FMNL2: variants seen among roughly 807,000 people sequenced by gnomAD.
The protein encoded by FMNL2 is formin like 2.
FMNL2 carries 51 observed loss-of-function variants against 130.2 expected under a neutral mutation model. The ratio of observed to expected loss-of-function variants is 0.39; its 90% CI spans 0.31 to 0.49. The LOEUF is 0.49. Among genes scored for constraint, FMNL2 ranks in the 20% least tolerant of loss-of-function variants. The pLI, the probability that FMNL2 is intolerant of heterozygous loss-of-function variation, is 0.85. For synonymous variants in FMNL2, 465 were observed against 467.1 expected, an observed-to-expected ratio of 1.00 and a Z score of 0.06; for missense variants, 977 against 1,316.2, an observed-to-expected ratio of 0.74 and a Z score of 3.99.
chr2:152,593,908 A>T (rs62179595), intron 9 of FMNL2, among the ~76,000 whole-genome samples: 9,756 of 113,044 alleles, frequency 0.086, 191 homozygotes, highest in Non-Finnish European at 0.12. Context: ...TGTGTGAGAG[A>T]GAGAGAGAGA....
intron 1 of FMNL2, among the ~76,000 whole-genome samples, chr2:152,419,789 C>T (rs188893209): frequency 6.6e-6 from 1 of 152,128 alleles, no homozygotes; most frequent in East Asian, 1.9e-4. Context: ...GTTGGGCTCC[C>T]TGTGACCTGT....
In FMNL2 at chr2:152,406,929, G is replaced by A. The variant is rs1319382066; in HGVS notation, c.117+71209G>A. The stretch of plus-strand genomic sequence containing the variant: ...TGATGAACTGGAAAAGAAGAAAAAA[G>A]CTTCCTGAGTCACCCAGACTTCATC... On this transcript the variant is annotated intron_variant, in intron 1 of 25. Coordinates refer to ENST00000288670, the MANE Select transcript of FMNL2 (RefSeq NM_052905.4). 1.3e-5 allele frequency among the ~76,000 whole-genome samples: 2 copies of A among 152,148 alleles called. 1 individual carries two copies. The highest frequency in any genetic ancestry group is 6.3e-3 in the Middle Eastern group (2 of 316).
At chr2:152,628,576 G>T (rs771664256) in intron 18 of FMNL2, 43 bp downstream of exon 18, 1 of 1,532,906 alleles carries the variant, frequency 6.5e-7, no homozygotes, top group Non-Finnish European at 9.0e-7. Flanking sequence ...CCAAAGAAAT[G>T]TGGAATCGTT....
At chr2:152,390,666 G>T in intron 1 of FMNL2, 3 of 794,124 alleles carry the variant, frequency 3.8e-6, no homozygotes, top group East Asian at 2.4e-5. Context: ...AACTCTTGGG[G>T]CTGAGCTACA....
Position 152,559,872 on chromosome 2 carries a change from G to C in FMNL2, c.444-1011G>C, listed in dbSNP as rs148560404. On this transcript the variant is annotated intron_variant, in intron 5 of 25. Coordinates refer to ENST00000288670, the MANE Select transcript of FMNL2 (RefSeq NM_052905.4). ...ACCTCCTGCAGCCAAAGGCATGACA[G>C]AATTGTGACCAGTTGCCTCCATGGA... Among the ~76,000 whole-genome samples the C allele has an allele frequency of 2.8e-3, 434 of 152,316 alleles. 1 individual carries two copies. Among genetic ancestry groups the C allele is most frequent in the African/African-American group, 0.01 (425 of 41,578 alleles).
intron 18 of FMNL2, 21 bp from the exon 19 acceptor site, chr2:152,629,631 TTTTC>T (rs762304683): frequency 4.2e-5 from 66 of 1,569,382 alleles, no homozygotes; most frequent in Non-Finnish European, 5.6e-5. Context: ...TTTTTCCCCT[TTTTC>T]TTTCTTTGAT....
chr2:152,646,456 C>CAACT (rs1037897451), intron 25 of FMNL2, among the ~76,000 whole-genome samples: 3 of 152,144 alleles, frequency 2.0e-5, no homozygotes, highest in Non-Finnish European at 2.9e-5. Context: ...ATCTTAGCTC[C>CAACT]AACTTCTTTT....
intron 1 of FMNL2, among the ~76,000 whole-genome samples, chr2:152,403,458 G>C (rs1482913940): frequency 3.3e-5 from 5 of 152,046 alleles, no homozygotes; most frequent in Admixed American, 2.6e-4. Context: ...TTATCCTTTG[G>C]GTTAGAATCT....
intron 1 of FMNL2, among the ~76,000 whole-genome samples, chr2:152,401,664 T>C (rs1685699781): frequency 6.6e-6 from 1 of 152,128 alleles, no homozygotes; most frequent in Non-Finnish European, 1.5e-5. Flanking sequence ...GTTAGGTCAG[T>C]GGAGGGGAGG....
Position 152,512,008 on chromosome 2 carries a change from G to A in FMNL2, c.118-9935G>A, listed in dbSNP as rs540705314. Among the ~76,000 whole-genome samples the A allele has an allele frequency of 2.0e-5, 3 of 152,262 alleles. No individual in the cohort carries two copies. In the South Asian group the frequency reaches 6.2e-4, roughly 32 times the overall value. ...CAGCAGAATAAGAACACTTTCTCTGGATTTCGATGCATTTTGGTCTGTGCC... is the reference window on the plus strand; with the variant it reads ...CAGCAGAATAAGAACACTTTCTCTGAATTTCGATGCATTTTGGTCTGTGCC... On this transcript the variant is annotated intron_variant, in intron 1 of 25. Coordinates refer to ENST00000288670, the MANE Select transcript of FMNL2 (RefSeq NM_052905.4).
At chr2:152,452,673 TG>T (rs1688707495) in intron 1 of FMNL2, among the ~76,000 whole-genome samples, 2 of 150,552 alleles carry the variant, frequency 1.3e-5, no homozygotes, top group African/African-American at 4.8e-5. Context: ...TATGTGTGTG[TG>T]TTGGTGGGGA....
At chr2:152,607,721 G>C (rs1361024639) in intron 10 of FMNL2, 1 of 213,262 alleles carries the variant, frequency 4.7e-6, no homozygotes, top group African/African-American at 2.3e-5. Flanking sequence ...TTTAATTGTT[G>C]ATGATGCTGC....
At chr2:152,341,742 A>G (rs541720637) in intron 1 of FMNL2, among the ~76,000 whole-genome samples, 1 of 152,380 alleles carries the variant, frequency 6.6e-6, no homozygotes, top group Admixed American at 6.5e-5. Context: ...AAGAGCTTTC[A>G]GGTGGAAATG....
At chr2:152,497,346 A>G (rs1261398477) in intron 1 of FMNL2, among the ~76,000 whole-genome samples, 3 of 152,086 alleles carry the variant, frequency 2.0e-5, no homozygotes, top group Non-Finnish European at 4.4e-5. Context: ...AGAATAGAGT[A>G]CTGTTTTCTA....
intron 2 of FMNL2, among the ~76,000 whole-genome samples, chr2:152,540,330 T>C (rs916839621): frequency 6.6e-6 from 1 of 152,018 alleles, no homozygotes; most frequent in African/African-American, 2.4e-5. Flanking sequence ...GTGATGGTGA[T>C]TTAAAAAAAG....
intron 1 of FMNL2, among the ~76,000 whole-genome samples, chr2:152,371,552 C>T (rs1319601469): frequency 1.3e-5 from 2 of 151,422 alleles, no homozygotes; most frequent in African/African-American, 2.4e-5. Context: ...GCCTGTAGTC[C>T]CAGCTACTTG....
intron 16 of FMNL2, 85 bp downstream of exon 16, chr2:152,625,647 A>T (rs1681735654): frequency 6.8e-7 from 1 of 1,475,708 alleles, no homozygotes; most frequent in East Asian, 2.3e-5. Context: ...GAAGTGTCAG[A>T]GATAAAGTAC....
In FMNL2 at chr2:152,617,088, C is replaced by T; in HGVS notation, c.1213-3C>T. 6.2e-7 allele frequency: 1 copy of T among 1,613,482 alleles called. No individual in the cohort carries two copies. Among genetic ancestry groups the T allele is most frequent in the Non-Finnish European group, 8.5e-7 (1 of 1,179,606 alleles). ...TGACAGCTTTCTTTTCAAAATTTTA[C>T]AGTTATCTGAAAAACTGCAAGACAC... On this transcript the variant is annotated splice_region_variant and splice_polypyrimidine_tract_variant and intron_variant, in intron 12 of 25. Coordinates refer to ENST00000288670, the MANE Select transcript of FMNL2 (RefSeq NM_052905.4).
rs147774224 is a variant in FMNL2 at position 152,643,116 on chromosome 2, T to G, written c.3169+2202T>G. ...CTGGCGTTATAAAATGAATGTACAT[T>G]TTCTATTTGCTTGATCTAAGTCATT... On this transcript the variant is annotated intron_variant, in intron 25 of 25. Coordinates refer to ENST00000288670, the MANE Select transcript of FMNL2 (RefSeq NM_052905.4). Among the ~76,000 whole-genome samples the G allele has an allele frequency of 4.8e-4, 73 of 152,290 alleles. No homozygotes were observed. In the East Asian group the frequency reaches 0.013, roughly 28 times the overall value.
Sources: allele counts gnomAD v4.1 joint callset (sites outside exome capture counted in the v4.1 genomes callset), GRCh38; gene constraint gnomAD v4.1.1; transcripts MANE v1.5; gene names NCBI Gene and HGNC (gene_info 2026-07-23, HGNC 2026-07-21).